The following SLC14A2 variants were observed in gnomAD, a reference collection of about 807,000 sequenced individuals.
SLC14A2 encodes the protein urea transporter 2.
SLC14A2 carries 91 observed loss-of-function variants against 104.6 expected under a neutral mutation model. The ratio of observed to expected loss-of-function variants is 0.87; its 90% CI spans 0.73 to 1.04. The LOEUF (loss-of-function observed/expected upper bound fraction) is 1.04. Ranked by LOEUF, SLC14A2 falls within the 50% of genes least tolerant of loss-of-function variation. The pLI is 0.00. For synonymous variants in SLC14A2, 476 were observed against 466.4 expected (o/e 1.02, Z -0.27); for missense variants, 1,189 against 1,156.0 (o/e 1.03, Z -0.41).
intron 1 of SLC14A2, among the ~76,000 whole-genome samples, chr18:45,314,181 A>T (rs914862605): frequency 6.6e-6 from 1 of 152,212 alleles, no homozygotes. Flanking sequence ...CTTGCCCTTG[A>T]TCATGAGGGT....
the SLC14A2 span, among the ~76,000 whole-genome samples, chr18:45,190,715 T>C: frequency 6.6e-6 from 1 of 152,194 alleles, no homozygotes; most frequent in African/African-American, 2.4e-5. Context: ...TTAGTTTGTA[T>C]AAAGCATCCA....
intron 7 of SLC14A2, 36 bp downstream of exon 7, chr18:45,639,929 T>A (rs1347377468): frequency 6.3e-7 from 1 of 1,593,068 alleles, no homozygotes; most frequent in Admixed American, 1.7e-5. Context: ...GTCCTCAGGA[T>A]AATTCACTCA....
At chr18:45,387,750 A>C (rs2085913758) in intron 1 of SLC14A2, among the ~76,000 whole-genome samples, 2 of 152,218 alleles carry the variant, frequency 1.3e-5, no homozygotes, top group Admixed American at 6.5e-5. Context: ...TGTATGAGCT[A>C]TTATGACAAT....
chr18:45,395,394 G>A (rs1214297790), intron 1 of SLC14A2, among the ~76,000 whole-genome samples: 2 of 152,140 alleles, frequency 1.3e-5, no homozygotes, highest in Non-Finnish European at 1.5e-5. Flanking sequence ...TCCATTTGGA[G>A]GCTGAGTAGA....
chr18:45,327,226 G>A (rs1363698987), intron 1 of SLC14A2, among the ~76,000 whole-genome samples: 1 of 148,856 alleles, frequency 6.7e-6, no homozygotes, highest in Non-Finnish European at 1.5e-5. Flanking sequence ...TACTTGGTAG[G>A]AGCCATAATG....
intron 1 of SLC14A2, among the ~76,000 whole-genome samples, chr18:45,436,214 AAG>A (rs769359693): frequency 5.8e-4 from 89 of 152,346 alleles, no homozygotes; most frequent in Admixed American, 1.6e-3. Context: ...TTATGTTAAA[AAG>A]AACAGTCTGT....
intron 1 of SLC14A2, among the ~76,000 whole-genome samples, chr18:45,403,526 G>C (rs935459128): frequency 1.3e-5 from 2 of 152,172 alleles, no homozygotes; most frequent in Non-Finnish European, 2.9e-5. Flanking sequence ...TTGCCTCTGA[G>C]TGTACTGCCT....
intron 2 of SLC14A2, among the ~76,000 whole-genome samples, chr18:45,573,390 A>G (rs1162227341): frequency 6.6e-6 from 1 of 152,238 alleles, no homozygotes; most frequent in Non-Finnish European, 1.5e-5. Flanking sequence ...TAGAAAAGCA[A>G]ACCAAATGTC....
At chr18:45,580,919 A>C (rs1477009387) in intron 2 of SLC14A2, among the ~76,000 whole-genome samples, 1 of 152,148 alleles carries the variant, frequency 6.6e-6, no homozygotes, top group Non-Finnish European at 1.5e-5. Flanking sequence ...GATTGAAGGC[A>C]GAAGAGGGAA....
intron 1 of SLC14A2, among the ~76,000 whole-genome samples, chr18:45,306,155 A>G (rs1209153329): frequency 1.3e-5 from 2 of 152,130 alleles, no homozygotes; most frequent in African/African-American, 2.4e-5. Context: ...CAGGAACACA[A>G]TTAAAGCTCT....
At chr18:45,402,659 G>T (rs994488492) in intron 1 of SLC14A2, among the ~76,000 whole-genome samples, 1 of 152,182 alleles carries the variant, frequency 6.6e-6, no homozygotes, top group African/African-American at 2.4e-5. Flanking sequence ...ACTTTGTGAG[G>T]ATTTAGCCAC....
At chr18:45,519,701 C>T (rs897711931) in intron 2 of SLC14A2, among the ~76,000 whole-genome samples, 1 of 152,186 alleles carries the variant, frequency 6.6e-6, no homozygotes, top group Non-Finnish European at 1.5e-5. Flanking sequence ...AGGGGCTAAG[C>T]CAAAGATCTC....
chr18:45,540,071 T>A (rs1209624175), intron 2 of SLC14A2, among the ~76,000 whole-genome samples: 3 of 152,072 alleles, frequency 2.0e-5, no homozygotes, highest in African/African-American at 7.2e-5. Context: ...TTCCTTTCTT[T>A]TTTTCTTTCT....
chr18:45,177,828 G>A, the SLC14A2 span, among the ~76,000 whole-genome samples: 3 of 152,172 alleles, frequency 2.0e-5, no homozygotes, highest in Non-Finnish European at 4.4e-5. Context: ...ATAGCCATTT[G>A]TTTTGAATGA....
chr18:45,405,275 A>G (rs1004734479), intron 1 of SLC14A2, among the ~76,000 whole-genome samples: 5 of 152,186 alleles, frequency 3.3e-5, no homozygotes, highest in African/African-American at 1.2e-4. Flanking sequence ...CACAGGGAAA[A>G]GAACAGAGCA....
At chr18:45,539,526 C>A (rs1350362816) in intron 2 of SLC14A2, among the ~76,000 whole-genome samples, 3 of 152,194 alleles carry the variant, frequency 2.0e-5, no homozygotes, top group Non-Finnish European at 2.9e-5. Context: ...CCAGACCCTG[C>A]CTCTAGCCCC....
chr18:45,572,822 T>C (rs2044366968), intron 2 of SLC14A2, among the ~76,000 whole-genome samples: 1 of 152,226 alleles, frequency 6.6e-6, no homozygotes, highest in African/African-American at 2.4e-5. Flanking sequence ...GATTTCTCGA[T>C]TGTGCAACCC....
intron 1 of SLC14A2, among the ~76,000 whole-genome samples, chr18:45,481,007 C>T (rs2087482179): frequency 6.6e-6 from 1 of 151,826 alleles, no homozygotes; most frequent in Non-Finnish European, 1.5e-5. Flanking sequence ...CACAAAAGAC[C>T]TGGGGCAGAT....
At chr18:45,212,523 C>A (rs996202278), upstream of SLC14A2, among the ~76,000 whole-genome samples, 3 of 152,132 alleles carry the variant, frequency 2.0e-5, no homozygotes, top group Admixed American at 2.0e-4. Flanking sequence ...ATACAGTACG[C>A]GCAAGAGAAG....
Sources: allele counts gnomAD v4.1 joint callset (sites outside exome capture counted in the v4.1 genomes callset), GRCh38; gene constraint gnomAD v4.1.1; transcripts MANE v1.5; gene names NCBI Gene and HGNC (gene_info 2026-07-23, HGNC 2026-07-21).